CPQ: variants seen among roughly 807,000 people sequenced by gnomAD.
CPQ encodes the protein carboxypeptidase Q.
Under a neutral mutation model 45.7 loss-of-function variants are expected in CPQ, and 37 were observed. That is an observed-to-expected ratio of 0.81 (90% CI 0.62 to 1.07). CPQ has a LOEUF of 1.07. Among genes scored for constraint, CPQ ranks in the 50% least tolerant of loss-of-function variants. The pLI, the probability that CPQ is intolerant of heterozygous loss-of-function variation, is 0.00. For synonymous variants in CPQ, 186 were observed against 205.8 expected, an observed-to-expected ratio of 0.90 and a Z score of 0.82; for missense variants, 537 against 572.9, an observed-to-expected ratio of 0.94 and a Z score of 0.64.
intron 1 of CPQ, among the ~76,000 whole-genome samples, chr8:96,691,386 T>C (rs1296546804): frequency 6.6e-6 from 1 of 152,216 alleles, no homozygotes; most frequent in Non-Finnish European, 1.5e-5. Flanking sequence ...CTTAATTATA[T>C]CTGTAAAGTC....
intron 2 of CPQ, among the ~76,000 whole-genome samples, chr8:96,810,206 C>T (rs1811144042): frequency 6.6e-6 from 1 of 152,152 alleles, no homozygotes; most frequent in African/African-American, 2.4e-5. Flanking sequence ...TTAGCTTTGT[C>T]AGTATACTCA....
intron 1 of CPQ, among the ~76,000 whole-genome samples, chr8:96,668,896 G>A (rs1341355603): frequency 1.3e-5 from 2 of 150,896 alleles, no homozygotes; most frequent in Non-Finnish European, 2.9e-5. Flanking sequence ...TCCAGCAAAA[G>A]CCTGTTTTCT....
chr8:97,060,777 A>G (rs1042710281), intron 6 of CPQ, among the ~76,000 whole-genome samples: 7 of 152,164 alleles, frequency 4.6e-5, no homozygotes, highest in African/African-American at 1.7e-4. Flanking sequence ...GTCACTAGCT[A>G]TAATCAGCTT....
At chr8:96,976,261 A>C (rs1007942618) in intron 5 of CPQ, among the ~76,000 whole-genome samples, 28 of 151,002 alleles carry the variant, frequency 1.9e-4, no homozygotes, top group Admixed American at 2.0e-4. Flanking sequence ...AAAAAAAAAA[A>C]AAAAAAAAAA....
At chr8:96,845,116 A>T (rs759077068) in intron 3 of CPQ, among the ~76,000 whole-genome samples, 1 of 152,190 alleles carries the variant, frequency 6.6e-6, no homozygotes, top group African/African-American at 2.4e-5. Context: ...TTTACATTTT[A>T]ACTGAAAGGT....
chr8:97,013,226 G>A (rs1057157188), intron 5 of CPQ, among the ~76,000 whole-genome samples: 10 of 152,074 alleles, frequency 6.6e-5, no homozygotes, highest in Non-Finnish European at 1.5e-4. Flanking sequence ...GTTGCAGAAA[G>A]CCGAGACCAT....
intron 1 of CPQ, among the ~76,000 whole-genome samples, chr8:96,763,560 C>T (rs1473203304): frequency 1.3e-5 from 2 of 151,960 alleles, no homozygotes; most frequent in Admixed American, 6.6e-5. Context: ...CTTCAAAAGA[C>T]ACTGTTAAGG....
At chr8:96,946,072 C>A (rs565074995) in intron 4 of CPQ, among the ~76,000 whole-genome samples, 20 of 152,236 alleles carry the variant, frequency 1.3e-4, no homozygotes, top group Admixed American at 3.9e-4. Context: ...GCTGGTTTTC[C>A]AATTAACTTT....
At chr8:96,832,863 C>A (rs774107186) in intron 2 of CPQ, among the ~76,000 whole-genome samples, 1 of 152,064 alleles carries the variant, frequency 6.6e-6, no homozygotes, top group African/African-American at 2.4e-5. Flanking sequence ...CTGCCTGGGG[C>A]AGATCTGACT....
At chr8:97,017,233 G>C in intron 5 of CPQ, among the ~76,000 whole-genome samples, 1 of 152,198 alleles carries the variant, frequency 6.6e-6, no homozygotes, top group East Asian at 1.9e-4. Flanking sequence ...TATGGGGTTA[G>C]AGGAAGCAGG....
chr8:96,864,972 T>A (rs1811977450), intron 3 of CPQ, among the ~76,000 whole-genome samples: 1 of 152,036 alleles, frequency 6.6e-6, no homozygotes, highest in Admixed American at 6.6e-5. Context: ...ACTGTTAAAC[T>A]AAGTAACAAT....
chr8:96,708,562 A>G (rs917416747), intron 1 of CPQ, among the ~76,000 whole-genome samples: 2 of 151,856 alleles, frequency 1.3e-5, no homozygotes, highest in African/African-American at 4.9e-5. Flanking sequence ...GACTGATATG[A>G]TATCTGCTCC....
chr8:96,763,108 T>C (rs1466149032), intron 1 of CPQ, among the ~76,000 whole-genome samples: 1 of 152,146 alleles, frequency 6.6e-6, no homozygotes, highest in Non-Finnish European at 1.5e-5. Flanking sequence ...TGTCCAACTT[T>C]CCTCTTCTTA....
intron 1 of CPQ, among the ~76,000 whole-genome samples, chr8:96,712,103 C>T (rs750091281): frequency 7.9e-5 from 12 of 152,054 alleles, no homozygotes; most frequent in Non-Finnish European, 1.5e-4. Flanking sequence ...GTCATTAAAC[C>T]TTAAAGTTAC....
At chr8:97,129,816 C>T (rs373887394) in intron 7 of CPQ, among the ~76,000 whole-genome samples, 16 of 152,016 alleles carry the variant, frequency 1.1e-4, no homozygotes, top group East Asian at 9.7e-4. Flanking sequence ...TTGAAAGTTC[C>T]GTGAGAGCAG....
intron 1 of CPQ, among the ~76,000 whole-genome samples, chr8:96,672,486 T>C (rs968427640): frequency 6.6e-6 from 1 of 152,100 alleles, no homozygotes; most frequent in Non-Finnish European, 1.5e-5. Context: ...TGCCAAAAAA[T>C]AAAGCAAAGG....
intron 6 of CPQ, among the ~76,000 whole-genome samples, chr8:97,040,994 A>G (rs1448652225): frequency 6.6e-6 from 1 of 151,920 alleles, no homozygotes; most frequent in Non-Finnish European, 1.5e-5. Context: ...TATGAACTTT[A>G]AAGTAGTTTT....
intron 7 of CPQ, among the ~76,000 whole-genome samples, chr8:97,134,386 A>G (rs1383694937): frequency 6.6e-6 from 1 of 152,256 alleles, no homozygotes; most frequent in Non-Finnish European, 1.5e-5. Flanking sequence ...ATAATGAGTG[A>G]CCACATGGAG....
chr8:96,983,255 A>C (rs1813938447), intron 5 of CPQ, among the ~76,000 whole-genome samples: 1 of 152,106 alleles, frequency 6.6e-6, no homozygotes, highest in Non-Finnish European at 1.5e-5. Flanking sequence ...TTTGAGGTAA[A>C]TATTTAGTCT....
Sources: allele counts gnomAD v4.1 joint callset (sites outside exome capture counted in the v4.1 genomes callset), GRCh38; gene constraint gnomAD v4.1.1; transcripts MANE v1.5; gene names NCBI Gene and HGNC (gene_info 2026-07-23, HGNC 2026-07-21).